The following AMER1 variants were observed in gnomAD, a reference collection of about 807,000 sequenced individuals.
AMER1 encodes RP11-403E24.2.
In AMER1, 16 loss-of-function variants were observed where a neutral mutation model predicts 53.0. The ratio of observed to expected loss-of-function variants is 0.30; its 90% CI spans 0.20 to 0.46. The LOEUF (loss-of-function observed/expected upper bound fraction) is 0.46, where lower values mean the gene tolerates loss of function less well. Among genes scored for constraint, AMER1 ranks in the 20% least tolerant of loss-of-function variants. The pLI, the probability that AMER1 is intolerant of heterozygous loss-of-function variation, is 1.00. For synonymous variants in AMER1, 354 were observed against 331.9 expected (o/e 1.07, Z -0.73); for missense variants, 947 against 884.9 (o/e 1.07, Z -0.89).
In AMER1 at chrX:64,191,038, G is replaced by A. The variant is rs1303991079; in HGVS notation, c.2249C>T (p.Pro750Leu). ...CTCCTCTTCCTCTGGATCTTCAGGGGGTGAATAAGTAGGGTAGGCCCTCCT... is the reference window on the plus strand; with the variant it reads ...CTCCTCTTCCTCTGGATCTTCAGGGAGTGAATAAGTAGGGTAGGCCCTCCT... The part of the protein sequence containing the change: ...SPRRAYPTYS[P>L]PEDPEEEEVE... The change falls in exon 2 of 2, where the codon CCC becomes CTC. Residue 750 changes from proline (P) to leucine (L), a missense_variant. Coordinates refer to ENST00000374869, the MANE Select transcript of AMER1 (RefSeq NM_152424.4). 5.8e-6 allele frequency: 7 copies of A among 1,211,939 alleles called. No homozygotes were observed. Among genetic ancestry groups the A allele is most frequent in the Non-Finnish European group, 4.5e-6 (4 of 895,537 alleles).
Position 64,192,054 on chromosome X carries a change from T to A in AMER1, c.1233A>T (p.Glu411Asp). 4 of 1,211,635 alleles carry A rather than the reference T, an allele frequency of 3.3e-6. No individual in the cohort carries two copies. Among genetic ancestry groups the A allele is most frequent in the Non-Finnish European group, 4.5e-6 (4 of 895,497 alleles). The part of the protein sequence containing the change: ...EEDDDLEYLW[E>D]TAQMYPRPNM... The stretch of plus-strand genomic sequence containing the variant: ...TGGGCCGTGGATACATTTGGGCAGT[T>A]TCCCACAGATATTCTAAGTCATCAT... Residue 411 changes from glutamate (E) to aspartate (D), a missense_variant, in exon 2 of 2, where the codon GAA (glutamate) becomes GAT (aspartate). Coordinates refer to ENST00000374869, the MANE Select transcript of AMER1 (RefSeq NM_152424.4).
chrX:64,201,068 C>T (rs1930478706), intron 1 of AMER1, among the ~76,000 whole-genome samples: 1 of 111,039 alleles, frequency 9.0e-6, no homozygotes, highest in Non-Finnish European at 1.9e-5. Context: ...AAAAAAAATG[C>T]ACATCAAAGG....
Position 64,186,922 on chromosome X carries a change from T to C in AMER1, c.*2957A>G, listed in dbSNP as rs933086087. 12 of 772,862 alleles carry C rather than the reference T, an allele frequency of 1.6e-5. No individual in the cohort carries two copies. Among genetic ancestry groups the C allele is most frequent in the Non-Finnish European group, 1.8e-5 (12 of 650,584 alleles). 63.7% of individuals were successfully genotyped at this position (772,862 alleles called of 1,213,427 possible). A position where few individuals can be genotyped will look rare whatever the true frequency, so the allele number is the denominator to read the frequency against. On this transcript the variant is annotated 3_prime_UTR_variant, in exon 2 of 2. Transcript: ENST00000374869. ...GATCACAGCTGTCTGGCACTAGGCC[T>C]ATTGGGTAATAAGATGAAGGCAGCT... is the stretch of plus-strand genomic sequence containing the variant.
rs376717602 is a variant in AMER1 at position 64,190,261 on chromosome X, T to C, written c.3026A>G (p.Glu1009Gly). 8 of 1,210,515 alleles carry C rather than the reference T, an allele frequency of 6.6e-6. No individual in the cohort carries two copies. In the Admixed American group the frequency reaches 1.7e-4, roughly 26 times the overall value. The change falls in exon 2 of 2, where the codon GAG becomes GGG. Residue 1009 changes from glutamate (E) to glycine (G), a missense_variant. Glu to Gly is a moderately conservative substitution (Grantham distance 98). Coordinates refer to ENST00000374869, the MANE Select transcript of AMER1 (RefSeq NM_152424.4). Reference protein sequence around the residue: ...MTMSISLSVPESRAPGESGPQ... With the variant: ...MTMSISLSVPGSRAPGESGPQ... ...CCCAGATTCCCCAGGTGCCCTTGAC[T>C]CTGGCACTGATAGTGATATTGACAT... is the stretch of plus-strand genomic sequence containing the variant.
chrX:64,195,257 C>T (rs1303226266), intron 1 of AMER1, among the ~76,000 whole-genome samples: 2 of 111,952 alleles, frequency 1.8e-5, no homozygotes, highest in Non-Finnish European at 3.8e-5. Flanking sequence ...GAATGCCCCA[C>T]TTTCCACAGC....
At position 64,191,525 on chromosome X, in the gene AMER1, C is replaced by A. The variant is rs2147087489; in HGVS notation, c.1762G>T (p.Ala588Ser). The A allele has an allele frequency of 8.2e-7, 1 of 1,212,221 alleles. No homozygotes were observed. The highest frequency in any genetic ancestry group is 1.1e-6 in the Non-Finnish European group (1 of 895,649). ...CTGGCGTGGGCCTCCCTGGCATGAG[C>A]TTCTCGGGCACGTGCCTCCTGGGCC... is the stretch of plus-strand genomic sequence containing the variant. The part of the protein sequence containing the change: ...LEAQEARARE[A>S]HAREAHAREA... Residue 588 changes from alanine to serine, a missense_variant, in exon 2 of 2, where the codon GCT becomes TCT. By Grantham distance (99) the Ala-to-Ser change is moderately conservative. Coordinates refer to ENST00000374869, the MANE Select transcript of AMER1 (RefSeq NM_152424.4).
rs1930578077 is a variant in AMER1, at chrX:64,205,347, AC to A, written c.-99+222del. On this transcript the variant is annotated intron_variant, in intron 1 of 1. Coordinates refer to ENST00000374869, the MANE Select transcript of AMER1 (RefSeq NM_152424.4). ...CCTGCCTTCCTACCCGCCCTCCCCA[AC>A]CCCCCTCCCCCCAGCCGTGGTCGCT... 1.9e-4 allele frequency among the ~76,000 whole-genome samples: 4 copies of A among 21,249 alleles called. No individual in the cohort carries two copies. The South Asian group carries it at 0.01, about 54-fold the overall frequency. The allele number at this position is 21,249 out of a possible 115,157, so 18.5% of individuals were successfully genotyped here.
intron 1 of AMER1, among the ~76,000 whole-genome samples, chrX:64,204,351 C>T (rs1169905355): frequency 3.5e-5 from 4 of 114,031 alleles, no homozygotes; most frequent in Non-Finnish European, 7.5e-5. Flanking sequence ...CCGAAAGCAG[C>T]CTGGCCAAAC....
rs2147087882 is a variant in AMER1 at position 64,191,696 on chromosome X, G to A, written c.1591C>T (p.Arg531Ter). Residue 531 changes from arginine (R) to a stop codon, truncating the protein, a stop_gained, in exon 2 of 2, where the codon CGA becomes TGA. Transcript: ENST00000374869. LOFTEE classifies it high-confidence loss of function. ...GDDCLYDLHG[R>*]SSEMFDPFLN... is the part of the protein sequence containing the mutation. ...AAGGGGTCAAACATCTCAGAGCTTC[G>A]ACCATGGAGGTCATAAAGGCAGTCA... The A allele has an allele frequency of 8.3e-7, 1 of 1,211,737 alleles. No homozygotes were observed. The highest frequency in any genetic ancestry group is 1.7e-5 in the African/African-American group (1 of 57,820).
rs1930108709 is a variant in AMER1 at position 64,186,361 on chromosome X, C to T, written c.*3518G>A. ...CGCTTAAAAATAAATCAGAAAAGAA[C>T]AATTGATAAACATTGTTTTCCATGA... On this transcript the variant is annotated 3_prime_UTR_variant, in exon 2 of 2. Coordinates refer to ENST00000374869, the MANE Select transcript of AMER1 (RefSeq NM_152424.4). 1 of 926,348 alleles carries T rather than the reference C, an allele frequency of 1.1e-6. No homozygotes were observed. Among genetic ancestry groups the T allele is most frequent in the African/African-American group, 2.0e-5 (1 of 48,911 alleles). The allele number at this position is 926,348 out of a possible 1,213,427, so 76.3% of individuals were successfully genotyped here. A position where few individuals can be genotyped will look rare whatever the true frequency, so the allele number is the denominator to read the frequency against.
chrX:64,192,817 TCAGCCACAGCTTTCTCTGTGGCTC>T lies in AMER1; in HGVS notation c.446_469del (p.Gly149_Ala156del), dbSNP rs768930991. The T allele has an allele frequency of 1.7e-5, 20 of 1,210,221 alleles. No individual in the cohort carries two copies. The highest frequency in any genetic ancestry group is 4.6e-4 in the Middle Eastern group (2 of 4,361). On this transcript the variant is annotated inframe_deletion, in exon 2 of 2. Coordinates refer to ENST00000374869, the MANE Select transcript of AMER1 (RefSeq NM_152424.4). The stretch of plus-strand genomic sequence containing the variant: ...TGGCTTGGGCATAGAGGGAAACTTC[TCAGCCACAGCTTTCTCTGTGGCTC>T]CAGCCACAGATGTCTTACATCTGGA...
chrX:64,193,058 G>A lies in AMER1; in HGVS notation c.229C>T (p.Arg77Trp), dbSNP rs1439395594. Residue 77 changes from arginine (R) to tryptophan (W), a missense_variant, in exon 2 of 2, where the codon CGG becomes TGG. Transcript: ENST00000374869. ...CTGCCTTTCCCAGAACCTTTGCTCC[G>A]TCCCCCTCCAAAGAAACTAGGCAGA... is the stretch of plus-strand genomic sequence containing the variant. ...CTLPSFFGGG[R>W]SKGSGKGSSK... is the part of the protein sequence containing the mutation. 5 of 1,211,611 alleles carry A rather than the reference G, an allele frequency of 4.1e-6. No individual in the cohort carries two copies. Among genetic ancestry groups the A allele is most frequent in the South Asian group, 1.8e-5 (1 of 56,944 alleles).
At chrX:64,194,673 G>A (rs1400320701) in intron 1 of AMER1, among the ~76,000 whole-genome samples, 7 of 111,433 alleles carry the variant, frequency 6.3e-5, no homozygotes, top group Non-Finnish European at 1.3e-4. Context: ...AAGAGTAAGA[G>A]AGGGAGAGAG....
rs749911156 is a variant in AMER1 at position 64,192,138 on chromosome X, T to A, written c.1149A>T (p.Glu383Asp). 5 of 1,209,006 alleles carry A rather than the reference T, an allele frequency of 4.1e-6. No homozygotes were observed. In the African/African-American group the frequency reaches 7.0e-5, roughly 17 times the overall value. The part of the protein sequence containing the change: ...ALPDDDDEEE[E>D]EEEEVELEEE... ...CCTCTAATTCCACCTCTTCTTCCTC[T>A]TCTTCCTCCTCGTCATCATCATCTG... Residue 383 changes from glutamate (E) to aspartate (D), a missense_variant, in exon 2 of 2, where the codon GAA becomes GAT. Glu to Asp is a conservative substitution (Grantham distance 45). Transcript: ENST00000374869.
At chrX:64,197,298 G>A (rs777701288) in intron 1 of AMER1, among the ~76,000 whole-genome samples, 16 of 113,142 alleles carry the variant, frequency 1.4e-4, no homozygotes, top group African/African-American at 4.8e-4. Context: ...CAGAAAGCAG[G>A]CTGTGGTAGA....
rs759431653 is a variant in AMER1, at chrX:64,193,027, T to C, written c.260A>G (p.Lys87Arg). 5 of 1,211,881 alleles carry C rather than the reference T, an allele frequency of 4.1e-6. No homozygotes were observed. The East Asian group carries it at 1.5e-4, about 36-fold the overall frequency. Residue 87 changes from lysine (K) to arginine (R), a missense_variant, in exon 2 of 2, where the codon AAG (lysine) becomes AGG (arginine). Lys to Arg is a conservative substitution (Grantham distance 26). Coordinates refer to ENST00000374869, the MANE Select transcript of AMER1 (RefSeq NM_152424.4). ...RSKGSGKGSS[K>R]KGLSKSKTHD... The stretch of plus-strand genomic sequence containing the variant: ...GGTCTTGCTCTTGCTGAGACCTTTC[T>C]TGGAGCTGCCTTTCCCAGAACCTTT...
intron 1 of AMER1, among the ~76,000 whole-genome samples, chrX:64,200,297 G>C (rs765379624): frequency 5.0e-4 from 56 of 112,128 alleles, no homozygotes; most frequent in Non-Finnish European, 8.3e-4. Flanking sequence ...AAACAGATGT[G>C]ACAGAGCAGC....
chrX:64,195,308 G>A (rs752226080), intron 1 of AMER1, among the ~76,000 whole-genome samples: 37 of 111,886 alleles, frequency 3.3e-4, no homozygotes, highest in African/African-American at 6.2e-4. Context: ...TAAGGTTATC[G>A]TCACGGTGTT....
Position 64,191,915 on chromosome X carries a change from T to C in AMER1, c.1372A>G (p.Ser458Gly), listed in dbSNP as rs2147088496. The change falls in exon 2 of 2, where the codon AGT (serine) becomes GGT (glycine). Residue 458 changes from serine to glycine, a missense_variant. Physicochemically the swap from Ser to Gly is moderately conservative, Grantham distance 56 (BLOSUM62 0). Coordinates refer to ENST00000374869, the MANE Select transcript of AMER1 (RefSeq NM_152424.4). ...LAPGELLTPQ[S>G]DQQESAPNSD... ...TTGGGGGCGGATTCTTGCTGGTCAC[T>C]CTGAGGAGTCAAAAGTTCCCCAGGG... 1.7e-6 allele frequency: 2 copies of C among 1,211,585 alleles called. No individual in the cohort carries two copies. Among genetic ancestry groups the C allele is most frequent in the Non-Finnish European group, 2.2e-6 (2 of 895,485 alleles).
Sources: allele counts gnomAD v4.1 joint callset (sites outside exome capture counted in the v4.1 genomes callset), GRCh38; gene constraint gnomAD v4.1.1; transcripts MANE v1.5; gene names NCBI Gene and HGNC (gene_info 2026-07-23, HGNC 2026-07-21).